Variants in C2 observed in about 807,000 individuals in gnomAD.
C2 encodes C3/C5 convertase.
C2 carries 64 observed loss-of-function variants against 85.2 expected under a neutral mutation model. That is an observed-to-expected ratio of 0.75 (90% CI 0.61 to 0.92). The LOEUF (loss-of-function observed/expected upper bound fraction) is 0.92, where lower values mean the gene tolerates loss of function less well. C2 is among the 40% of genes least tolerant of loss of function. The pLI is 0.00. For missense variants in C2, 820 were observed against 971.6 expected, an observed-to-expected ratio of 0.84 and a Z score of 2.07; for synonymous variants, 311 against 370.8, an observed-to-expected ratio of 0.84 and a Z score of 1.85.
chr6:31,930,789 G>T (rs1431732737), intron 3 of C2, among the ~76,000 whole-genome samples: 1 of 152,214 alleles, frequency 6.6e-6, no homozygotes, highest in Non-Finnish European at 1.5e-5. Context: ...TAGATGCCTG[G>T]TAAGACTGTG....
chr6:31,923,785 G>A (rs1467950523), upstream of C2, among the ~76,000 whole-genome samples: 7 of 147,298 alleles, frequency 4.8e-5, no homozygotes, highest in Admixed American at 2.7e-4. Flanking sequence ...CACCGCACCC[G>A]GCCTCTGAGG....
chr6:31,935,817 T>C lies in C2; in HGVS notation c.850-106T>C, dbSNP rs1770358987. ...CTCCCCTGGTCCTTGCCTCTGTCGG[T>C]CTCACTCCAGTTTCTCTGCCTCCTC... On this transcript the variant is annotated intron_variant, in intron 6 of 17. Coordinates refer to ENST00000299367, the MANE Select transcript of C2 (RefSeq NM_000063.6). The surrounding 1 kb of genome is among the most constrained non-coding windows in gnomAD (Gnocchi z 4.3). 3.2e-6 allele frequency: 4 copies of C among 1,258,890 alleles called. No homozygotes were observed. The highest frequency in any genetic ancestry group is 3.5e-6 in the Non-Finnish European group (3 of 869,536). The allele number at this position is 1,258,890 out of a possible 1,614,324, so 78.0% of individuals were successfully genotyped here. A position where few individuals can be genotyped will look rare whatever the true frequency, so the allele number is the denominator to read the frequency against.
At chr6:31,916,479 A>C (rs917046424), upstream of C2, among the ~76,000 whole-genome samples, 3 of 151,230 alleles carry the variant, frequency 2.0e-5, no homozygotes, top group Non-Finnish European at 4.4e-5. Flanking sequence ...GAATTGCTTG[A>C]ACCTGGGAGG....
chr6:31,940,227 A>G (rs569823349), intron 9 of C2, among the ~76,000 whole-genome samples: 12 of 152,382 alleles, frequency 7.9e-5, no homozygotes, highest in Non-Finnish European at 1.5e-4. Context: ...TGACAGGGGA[A>G]GATGCTCAGA....
At chr6:31,937,063 G>A (rs1770474228) in intron 7 of C2, 1 of 480,454 alleles carries the variant, frequency 2.1e-6, no homozygotes, top group Non-Finnish European at 3.8e-6. Flanking sequence ...CAAAAAATTA[G>A]CTGGGCATGG....
chr6:31,934,372 C>G, intron 6 of C2, 73 bp downstream of exon 6: 1 of 1,597,728 alleles, frequency 6.3e-7, no homozygotes, highest in Non-Finnish European at 8.6e-7. Flanking sequence ...CCTTCCCCTC[C>G]TCAGAACCCC....
rs532209523 is a variant in C2 at position 31,904,622 on chromosome 6, C to T, written c.73+3483C>T. 1.3e-5 allele frequency among the ~76,000 whole-genome samples: 2 copies of T among 152,072 alleles called. No individual in the cohort carries two copies. The highest frequency in any genetic ancestry group is 6.6e-5 in the Admixed American group (1 of 15,256). ...AGCCACTGCGCCTGACCCAAAAGAA[C>T]TTTAAAAATTCTGTTTTTCTATCTC... On this transcript the variant is annotated intron_variant, in intron 1 of 3. Coordinates refer to the C2 transcript ENST00000452202. This position sits in a 1 kb window ranked among gnomAD's most constrained non-coding sequence, Gnocchi z 4.4.
At chr6:31,902,179 C>T (rs1392652315) in intron 1 of C2, among the ~76,000 whole-genome samples, 1 of 149,298 alleles carries the variant, frequency 6.7e-6, no homozygotes, top group Non-Finnish European at 1.5e-5. Flanking sequence ...ACGGCCTTGC[C>T]TCCTCTTTGG....
upstream of C2, among the ~76,000 whole-genome samples, chr6:31,917,261 T>C (rs1768603649): frequency 6.6e-6 from 1 of 151,348 alleles, no homozygotes; most frequent in Non-Finnish European, 1.5e-5. Flanking sequence ...TTTATTTTGG[T>C]AAAAGCCAAG....
chr6:31,917,467 C>T (rs1768620694), upstream of C2, among the ~76,000 whole-genome samples: 1 of 152,074 alleles, frequency 6.6e-6, no homozygotes, highest in Admixed American at 6.6e-5. Flanking sequence ...ACAATAGACA[C>T]TGAAGACTAC....
At chr6:31,900,694 G>GTCCTCA (rs758568983), upstream of C2, 46 of 1,609,966 alleles carry the variant, frequency 2.9e-5, no homozygotes, top group East Asian at 4.5e-5. The surrounding 1 kb of genome is among the most constrained non-coding windows in gnomAD (Gnocchi z 9.7). Context: ...TGTCAGACAC[G>GTCCTCA]TCCTCATCCT....
upstream of C2, among the ~76,000 whole-genome samples, chr6:31,918,551 C>T (rs1582044196): frequency 3.3e-5 from 5 of 151,502 alleles, no homozygotes; most frequent in Admixed American, 3.3e-4. Context: ...GCTGTGATTG[C>T]ACCACTAAAC....
At position 31,933,623 on chromosome 6, in the gene C2, CA is replaced by C; in HGVS notation, c.458del (p.Asn153ThrfsTer101). 2 of 1,613,088 alleles carry C rather than the reference CA, an allele frequency of 1.2e-6. No homozygotes were observed. Among genetic ancestry groups the C allele is most frequent in the Non-Finnish European group, 1.7e-6 (2 of 1,180,042 alleles). On this transcript the variant is annotated frameshift_variant, in exon 4 of 18. Coordinates refer to ENST00000299367, the MANE Select transcript of C2 (RefSeq NM_000063.6). LOFTEE classifies it high-confidence loss of function. ...VCDNGAGHCP[N>X]PGISLGAVRT... Reference sequence around the variant, plus strand: ...GTTCACTCGCAGCTGGCCACTGCCCCAACCCAGGCATTTCACTGGGCGCAGT... The same window carrying C: ...GTTCACTCGCAGCTGGCCACTGCCCCACCCAGGCATTTCACTGGGCGCAGT...
chr6:31,939,342 C>T, intron 9 of C2, 22 bp downstream of exon 9: 2 of 1,549,086 alleles, frequency 1.3e-6, no homozygotes, highest in Non-Finnish European at 1.8e-6. Context: ...CCACTGCCAC[C>T]ACATTTGTTC....
upstream of C2, chr6:31,899,726 C>T (rs920942607): frequency 1.7e-6 from 1 of 601,506 alleles, no homozygotes. Flanking sequence ...GAACCCTTTT[C>T]CCAGCTCCAG....
In C2 at chr6:31,934,282, TC is replaced by T; in HGVS notation, c.835del (p.Leu279SerfsTer13). Reference protein sequence around the residue: ...NDFLIFKESASLMVDRIFSFE... With the variant: ...NDFLIFKESAXLMVDRIFSFE... ...CTTTCTCATCTTCAAGGAGAGCGCC[TC>T]CCTCATGGTGGACAGGGTCAGGAAT... On this transcript the variant is annotated frameshift_variant, in exon 6 of 18. Transcript: ENST00000299367. LOFTEE classifies it high-confidence loss of function. 1 of 1,614,004 alleles carries T rather than the reference TC, an allele frequency of 6.2e-7. No homozygotes were observed. Among genetic ancestry groups the T allele is most frequent in the South Asian group, 1.1e-5 (1 of 91,078 alleles).
At position 31,936,036 on chromosome 6, in the gene C2, C is replaced by T. The variant is rs1429255141; in HGVS notation, c.963C>T (p.Ser321=). Residue 321 remains serine, a synonymous_variant, in exon 7 of 18, where the codon AGC becomes AGT. Coordinates refer to ENST00000299367, the MANE Select transcript of C2 (RefSeq NM_000063.6). ...DNSRDMTEVI[S]SLENANYKDH... is the part of the protein sequence containing the mutation. ...CCCGGGATATGACTGAGGTGATCAG[C>T]AGCCTGGAAAATGCCAACTATAAAG... 12 of 1,612,920 alleles carry T rather than the reference C, an allele frequency of 7.4e-6. No homozygotes were observed. In the South Asian group the frequency reaches 1.3e-4, roughly 18 times the overall value.
intron 8 of C2, among the ~76,000 whole-genome samples, chr6:31,937,969 C>T (rs1235001974): frequency 1.3e-5 from 2 of 152,006 alleles, no homozygotes; most frequent in African/African-American, 2.4e-5. Flanking sequence ...CATGCCACTG[C>T]ACTCCAGCCT....
At chr6:31,917,734 C>G (rs1296404605), upstream of C2, among the ~76,000 whole-genome samples, 1 of 151,852 alleles carries the variant, frequency 6.6e-6, no homozygotes, top group African/African-American at 2.4e-5. Context: ...GGTGAAACCC[C>G]GTCTCTACTA....
Sources: allele counts gnomAD v4.1 joint callset (sites outside exome capture counted in the v4.1 genomes callset), GRCh38; gene constraint gnomAD v4.1.1; non-coding constraint Gnocchi (gnomAD v3.1); transcripts MANE v1.5; gene names NCBI Gene and HGNC (gene_info 2026-07-23, HGNC 2026-07-21).